The following SPTLC2 variants were observed in gnomAD, a reference collection of about 807,000 sequenced individuals.
SPTLC2 encodes serine palmitoyltransferase long chain base subunit 2.
In SPTLC2, 21 loss-of-function variants were observed where a neutral mutation model predicts 62.0. The ratio of observed to expected loss-of-function variants is 0.34; its 90% confidence interval spans 0.24 to 0.49. SPTLC2 has a LOEUF of 0.49. SPTLC2 is among the 20% of genes least tolerant of loss of function. SPTLC2 has a pLI of 0.99. For missense variants in SPTLC2, 511 were observed against 713.0 expected, an observed-to-expected ratio of 0.72 and a Z score of 3.23; for synonymous variants, 261 against 261.8, an observed-to-expected ratio of 1.00 and a Z score of 0.03.
At chr14:77,529,247 CTTCTTCTTT>C (rs1566769805) in intron 9 of SPTLC2, among the ~76,000 whole-genome samples, 2 of 80,762 alleles carry the variant, frequency 2.5e-5, no homozygotes, top group Non-Finnish European at 2.6e-5. Flanking sequence ...TCTTTGAAAA[CTTCTTCTTT>C]TTTTTTTTTT....
At chr14:77,579,266 C>T (rs1447907353) in intron 2 of SPTLC2, among the ~76,000 whole-genome samples, 157 bp from the exon 3 acceptor site, 1 of 152,130 alleles carries the variant, frequency 6.6e-6, no homozygotes, top group Non-Finnish European at 1.5e-5. Context: ...AGGGATTTTA[C>T]GGTATCAGTC....
intron 10 of SPTLC2, among the ~76,000 whole-genome samples, chr14:77,520,887 G>A (rs536098943): frequency 2.0e-5 from 3 of 152,324 alleles, no homozygotes; most frequent in Admixed American, 6.5e-5. Flanking sequence ...CTACTCTTCC[G>A]TCAGCTAAGC....
Position 77,579,104 on chromosome 14 carries a change from A to G in SPTLC2, c.333T>C (p.Phe111=). 1 of 1,614,110 alleles carries G rather than the reference A, an allele frequency of 6.2e-7. No individual in the cohort carries two copies. Among genetic ancestry groups the G allele is most frequent in the Non-Finnish European group, 8.5e-7 (1 of 1,179,980 alleles). Residue 111 remains phenylalanine, a synonymous_variant, in exon 3 of 12, where the codon TTT becomes TTC. Transcript: ENST00000216484. Reference sequence around the variant, plus strand: ...TTTCAAAATCTTGATACAATGACACAAAGTCCTGCCAAGAAATGGTGACAT... The same window carrying G: ...TTTCAAAATCTTGATACAATGACACGAAGTCCTGCCAAGAAATGGTGACAT... ...HATEREEQKD[F]VSLYQDFENF...
intron 9 of SPTLC2, among the ~76,000 whole-genome samples, chr14:77,534,751 T>C (rs1054630012): frequency 6.6e-6 from 1 of 151,816 alleles, no homozygotes; most frequent in Non-Finnish European, 1.5e-5. Flanking sequence ...AAAAAACATA[T>C]GCTGAGCACT....
chr14:77,582,682 C>T (rs1180187686), intron 2 of SPTLC2, among the ~76,000 whole-genome samples: 1 of 152,176 alleles, frequency 6.6e-6, no homozygotes, highest in African/African-American at 2.4e-5. Flanking sequence ...AAGAATTGTG[C>T]CTGCCATGGT....
At chr14:77,552,308 C>G in intron 8 of SPTLC2, 86 bp from the exon 9 acceptor site, 3 of 1,490,252 alleles carry the variant, frequency 2.0e-6, no homozygotes, top group Non-Finnish European at 2.8e-6. Context: ...TTCTAGAGGA[C>G]TCCTCACTTC....
Position 77,521,825 on chromosome 14 carries a change from G to A in SPTLC2, c.1304-244C>T, listed in dbSNP as rs149338794. ...TAATGTAAAAAACGTTTAATGGAGC[G>A]TTAGCATCCTCAAAGAATTTCAGCC... On this transcript the variant is annotated intron_variant, in intron 9 of 11. Transcript: ENST00000216484. Among the ~76,000 whole-genome samples, 16 of 152,206 alleles carry A rather than the reference G, an allele frequency of 1.1e-4. No individual in the cohort carries two copies. In the East Asian group the frequency reaches 2.3e-3, roughly 22 times the overall value.
intron 9 of SPTLC2, among the ~76,000 whole-genome samples, chr14:77,531,752 T>C (rs573917719): frequency 2.4e-4 from 36 of 152,214 alleles, no homozygotes; most frequent in Non-Finnish European, 4.7e-4. Context: ...CCTCAGGTGA[T>C]CTGCTGGCCT....
chr14:77,570,659 C>A, intron 4 of SPTLC2, 151 bp from the exon 5 acceptor site: 1 of 903,874 alleles, frequency 1.1e-6, no homozygotes, highest in Non-Finnish European at 1.7e-6. Context: ...TAATATTCTT[C>A]ATAATATTGT....
intron 5 of SPTLC2, among the ~76,000 whole-genome samples, chr14:77,569,244 T>G (rs1041031052): frequency 6.6e-6 from 1 of 152,362 alleles, no homozygotes; most frequent in East Asian, 1.9e-4. Context: ...TTAACCTCTG[T>G]GTCTTCATAT....
rs1012734152 is a variant in SPTLC2 at position 77,589,016 on chromosome 14, A to C, written c.327+8170T>G. Among the ~76,000 whole-genome samples the C allele has an allele frequency of 6.1e-5, 8 of 132,100 alleles. 1 individual carries two copies. Among genetic ancestry groups the C allele is most frequent in the South Asian group, 2.4e-4 (1 of 4,226 alleles). The allele number at this position is 132,100 out of a possible 152,430, so 86.7% of individuals were successfully genotyped here. ...TGTCTCAAAAAAAAAAAAAAAAAAA[A>C]AAAAAAAAAAAAACACACAAAGAAA... On this transcript the variant is annotated intron_variant, in intron 2 of 11. Coordinates refer to ENST00000216484, the MANE Select transcript of SPTLC2 (RefSeq NM_004863.4).
intron 9 of SPTLC2, among the ~76,000 whole-genome samples, chr14:77,532,457 C>T (rs973351314): frequency 6.6e-6 from 1 of 152,054 alleles, no homozygotes; most frequent in Non-Finnish European, 1.5e-5. Context: ...GGCTGATGGA[C>T]GGCTGGCACA....
intron 1 of SPTLC2, among the ~76,000 whole-genome samples, chr14:77,615,222 A>G (rs1318445541): frequency 6.6e-6 from 1 of 152,208 alleles, no homozygotes; most frequent in Non-Finnish European, 1.5e-5. Flanking sequence ...TGATCTGTGT[A>G]TTACTTCGCT....
chr14:77,554,243 G>A (rs866730891), intron 8 of SPTLC2, among the ~76,000 whole-genome samples: 5 of 152,048 alleles, frequency 3.3e-5, no homozygotes, highest in African/African-American at 1.2e-4. Context: ...TGCAATCAAC[G>A]TTTAAAAATA....
intron 5 of SPTLC2, among the ~76,000 whole-genome samples, chr14:77,562,794 C>CT (rs2140026932): frequency 6.6e-6 from 1 of 152,310 alleles, no homozygotes; most frequent in South Asian, 2.1e-4. Context: ...ACATCCGTCT[C>CT]TAAAACGTTT....
intron 2 of SPTLC2, among the ~76,000 whole-genome samples, chr14:77,582,503 T>TA (rs1295501670): frequency 1.3e-5 from 2 of 152,166 alleles, no homozygotes; most frequent in Admixed American, 6.5e-5. Flanking sequence ...AGAAAAACCT[T>TA]AGAGTCTGCT....
At chr14:77,580,478 A>C (rs2079742721) in intron 2 of SPTLC2, among the ~76,000 whole-genome samples, 1 of 49,846 alleles carries the variant, frequency 2.0e-5, no homozygotes, top group African/African-American at 4.2e-5. Flanking sequence ...ACTCCATATC[A>C]AAAAAAAAAA....
chr14:77,514,840 A>G (rs2079350866), intron 11 of SPTLC2, among the ~76,000 whole-genome samples: 1 of 152,058 alleles, frequency 6.6e-6, no homozygotes, highest in South Asian at 2.1e-4. Context: ...CCACCAATCT[A>G]TTTTCTGACC....
chr14:77,567,655 C>A (rs1022893924), intron 5 of SPTLC2, among the ~76,000 whole-genome samples: 2 of 152,170 alleles, frequency 1.3e-5, no homozygotes, highest in South Asian at 4.1e-4. Flanking sequence ...ACCATTCTGG[C>A]CACAGATTTA....
Sources: allele counts gnomAD v4.1 joint callset (sites outside exome capture counted in the v4.1 genomes callset), GRCh38; gene constraint gnomAD v4.1.1; transcripts MANE v1.5; gene names NCBI Gene and HGNC (gene_info 2026-07-23, HGNC 2026-07-21).